The following CNBD1 variants were observed in gnomAD, a reference collection of about 807,000 sequenced individuals.
CNBD1 encodes cyclic nucleotide-binding domain-containing protein 1.
A neutral mutation model predicts 54.4 loss-of-function variants in CNBD1; 71 were observed. The observed-to-expected ratio is 1.30, with a 90% CI of 1.08 to 1.59. The LOEUF (loss-of-function observed/expected upper bound fraction) is 1.59, where lower values mean the gene tolerates loss of function less well. CNBD1 is among the 40% of genes most tolerant of loss of function. The pLI is 0.00. For missense variants in CNBD1, 659 were observed against 518.0 expected, an observed-to-expected ratio of 1.27 and a Z score of -2.64; for synonymous variants, 182 against 170.7, an observed-to-expected ratio of 1.07 and a Z score of -0.51.
intron 4 of CNBD1, among the ~76,000 whole-genome samples, chr8:86,966,540 T>A (rs999624726): frequency 1.3e-5 from 2 of 152,206 alleles, no homozygotes; most frequent in Non-Finnish European, 2.9e-5. Flanking sequence ...GCAGTGAGTG[T>A]TACAGCTCTT....
intron 4 of CNBD1, among the ~76,000 whole-genome samples, chr8:86,992,260 G>A (rs1049256965): frequency 6.6e-6 from 1 of 151,918 alleles, no homozygotes; most frequent in African/African-American, 2.4e-5. Flanking sequence ...TTATCGTTAG[G>A]TAATGCCCTT....
At chr8:86,921,194 C>T (rs564879261) in intron 3 of CNBD1, among the ~76,000 whole-genome samples, 3 of 151,668 alleles carry the variant, frequency 2.0e-5, no homozygotes, top group African/African-American at 7.3e-5. Context: ...TAGTGTGGAT[C>T]TGGCCTCAGG....
At chr8:87,205,014 A>G (rs745392149) in intron 4 of CNBD1, among the ~76,000 whole-genome samples, 11 of 152,058 alleles carry the variant, frequency 7.2e-5, no homozygotes, top group African/African-American at 2.7e-4. Context: ...ATCATTCTAT[A>G]AACACACACA....
chr8:87,051,469 A>C (rs1810310737), intron 4 of CNBD1, among the ~76,000 whole-genome samples: 1 of 152,174 alleles, frequency 6.6e-6, no homozygotes. Context: ...TGGAGTGGGA[A>C]ATCAGGGGTC....
rs192668761 is a variant in CNBD1, at chr8:87,281,836, T to C, written c.772-2842T>C. ...TCCTATAGGTTAGAGGACTTTAATA[T>C]TTTCAATCTGGTGGATAAAAACCAT... is the stretch of plus-strand genomic sequence containing the variant. On this transcript the variant is annotated intron_variant, in intron 6 of 10. Transcript: ENST00000518476. 2.4e-4 allele frequency among the ~76,000 whole-genome samples: 36 copies of C among 151,306 alleles called. 1 individual carries two copies. Among genetic ancestry groups the C allele is most frequent in the African/African-American group, 4.8e-5 (2 of 41,440 alleles).
intron 4 of CNBD1, among the ~76,000 whole-genome samples, chr8:87,174,549 A>G (rs1224711201): frequency 6.6e-6 from 1 of 152,178 alleles, no homozygotes; most frequent in East Asian, 1.9e-4. Flanking sequence ...GAAAGGTCAC[A>G]TATCTCTGTA....
chr8:87,347,719 C>G (rs1216292903), intron 8 of CNBD1, among the ~76,000 whole-genome samples: 1 of 152,094 alleles, frequency 6.6e-6, no homozygotes, highest in Non-Finnish European at 1.5e-5. Context: ...TGGATAATCT[C>G]TTCTTCCTTG....
chr8:87,347,545 C>T (rs1586034672), intron 8 of CNBD1, among the ~76,000 whole-genome samples: 1 of 151,980 alleles, frequency 6.6e-6, no homozygotes, highest in East Asian at 1.9e-4. Flanking sequence ...TGGCAACACA[C>T]ACCTTGGGGA....
At chr8:87,377,303 T>G (rs1467442506) in intron 10 of CNBD1, among the ~76,000 whole-genome samples, 2 of 118,678 alleles carry the variant, frequency 1.7e-5, no homozygotes, top group African/African-American at 6.4e-5. Flanking sequence ...CCCTCCCCCC[T>G]CCCCACACCC....
At position 87,067,486 on chromosome 8, in the gene CNBD1, T is replaced by A. The variant is rs1008152762; in HGVS notation, c.431+127732T>A. Among the ~76,000 whole-genome samples the A allele has an allele frequency of 7.2e-5, 11 of 151,974 alleles. No individual in the cohort carries two copies. The East Asian group carries it at 2.1e-3, about 29-fold the overall frequency. On this transcript the variant is annotated intron_variant, in intron 4 of 10. Coordinates refer to ENST00000518476, the MANE Select transcript of CNBD1 (RefSeq NM_173538.3). Reference sequence around the variant, plus strand: ...TCCTTTGATTTTTGAAGATGTTGTTTATAAAAATTTCATGAGATACAGTGT... The same window carrying A: ...TCCTTTGATTTTTGAAGATGTTGTTAATAAAAATTTCATGAGATACAGTGT...
chr8:87,324,331 G>C lies in CNBD1; in HGVS notation c.1043-27354G>C, dbSNP rs1369441680. ...TGCTGGCCTCATAAAATGAGTTAGG[G>C]AGGATTCCCTCTTTTTCTATTGATT... On this transcript the variant is annotated intron_variant, in intron 8 of 10. Transcript: ENST00000518476. 1.6e-5 allele frequency among the ~76,000 whole-genome samples: 2 copies of C among 126,604 alleles called. 1 individual carries two copies. The highest frequency in any genetic ancestry group is 5.8e-5 in the African/African-American group (2 of 34,304). The allele number at this position is 126,604 out of a possible 152,430, so 83.1% of individuals were successfully genotyped here.
At chr8:86,890,304 C>G (rs1808749542) in intron 2 of CNBD1, among the ~76,000 whole-genome samples, 1 of 152,078 alleles carries the variant, frequency 6.6e-6, no homozygotes, top group African/African-American at 2.4e-5. Context: ...CCACGACTTT[C>G]ATGTTTTCAG....
chr8:87,276,968 C>G (rs1315001275), intron 6 of CNBD1, among the ~76,000 whole-genome samples: 1 of 135,174 alleles, frequency 7.4e-6, no homozygotes, highest in Admixed American at 7.4e-5. Flanking sequence ...GAAAATGGAG[C>G]TTGAATAATT....
intron 4 of CNBD1, among the ~76,000 whole-genome samples, chr8:87,018,600 C>T (rs562469955): frequency 6.6e-6 from 1 of 152,204 alleles, no homozygotes; most frequent in South Asian, 2.1e-4. Context: ...ACTATTATAG[C>T]TGTCAAACTA....
chr8:87,396,279 C>T (rs1811407738), intron 2 of CNBD1, among the ~76,000 whole-genome samples: 1 of 151,910 alleles, frequency 6.6e-6, no homozygotes, highest in African/African-American at 2.4e-5. Context: ...TTTCATACAA[C>T]AATCTATGCA....
At chr8:87,371,888 A>T (rs897693253) in intron 10 of CNBD1, among the ~76,000 whole-genome samples, 1 of 151,974 alleles carries the variant, frequency 6.6e-6, no homozygotes, top group East Asian at 1.9e-4. Context: ...ATCATACTGA[A>T]TGGGCAAAAA....
chr8:87,409,803 G>A (rs1401275408), intron 2 of CNBD1, among the ~76,000 whole-genome samples: 1 of 151,946 alleles, frequency 6.6e-6, no homozygotes, highest in African/African-American at 2.4e-5. Flanking sequence ...CGGGAGGATT[G>A]CCAGATCTCA....
intron 10 of CNBD1, among the ~76,000 whole-genome samples, chr8:87,363,206 A>G (rs972671365): frequency 6.6e-6 from 1 of 152,170 alleles, no homozygotes; most frequent in African/African-American, 2.4e-5. Flanking sequence ...ATGGCCACAT[A>G]GTATTCCATG....
intron 4 of CNBD1, among the ~76,000 whole-genome samples, chr8:87,176,848 T>C (rs758632865): frequency 6.6e-6 from 1 of 152,148 alleles, no homozygotes; most frequent in South Asian, 2.1e-4. Flanking sequence ...TCTGGCTTCA[T>C]ATTTTATGAA....
Sources: gnomAD v4.1 joint callset for allele counts (sites outside exome capture counted in the v4.1 genomes callset) on GRCh38, gnomAD v4.1.1 for gene constraint, MANE v1.5 for transcripts, NCBI Gene and HGNC (gene_info 2026-07-23, HGNC 2026-07-21) for gene names.